Variants in INA observed in about 807,000 individuals in gnomAD.
INA encodes the protein internexin neuronal intermediate filament protein alpha, also known as alpha-internexin.
INA carries 35 observed loss-of-function variants against 40.1 expected under a neutral mutation model. The observed-to-expected ratio is 0.87, with a 90% CI of 0.67 to 1.16. INA has a LOEUF of 1.16. Ranked by LOEUF, INA falls within the 50% of genes most tolerant of loss-of-function variation. The pLI, the probability that INA is intolerant of heterozygous loss-of-function variation, is 0.00. For synonymous variants in INA, 290 were observed against 316.9 expected, an observed-to-expected ratio of 0.92 and a Z score of 0.90; for missense variants, 594 against 686.7, an observed-to-expected ratio of 0.87 and a Z score of 1.51.
In INA at chr10:103,287,058, T is replaced by C; in HGVS notation, c.1089T>C (p.Asn363=). 1 of 1,613,964 alleles carries C rather than the reference T, an allele frequency of 6.2e-7. No individual in the cohort carries two copies. Among genetic ancestry groups the C allele is most frequent in the Non-Finnish European group, 8.5e-7 (1 of 1,179,898 alleles). The part of the protein sequence containing the change: ...GYQDSIGQLE[N]DLRNTKSEMA... ...AGGATAGCATTGGGCAGCTGGAGAA[T>C]GATCTGAGGAACACCAAGAGTGAGA... Residue 363 remains asparagine (N), a synonymous_variant, in exon 2 of 3, where the codon AAT becomes AAC. Transcript: ENST00000369849.
chr10:103,289,153 TA>T lies in INA; in HGVS notation c.*486del, dbSNP rs1480970836. On this transcript the variant is annotated 3_prime_UTR_variant, in exon 3 of 3. Coordinates refer to ENST00000369849, the MANE Select transcript of INA (RefSeq NM_032727.4). Reference sequence around the variant, plus strand: ...ATTTCACAAATAATAGGTGTTTGTTTAATGGACACTTTTCACCTCCTTCAAT... The same window carrying T: ...ATTTCACAAATAATAGGTGTTTGTTTATGGACACTTTTCACCTCCTTCAAT... 5.9e-5 allele frequency: 9 copies of T among 153,364 alleles called. No homozygotes were observed. The highest frequency in any genetic ancestry group is 2.2e-4 in the African/African-American group (9 of 41,602). 9.5% of individuals were successfully genotyped at this position (153,364 alleles called of 1,614,324 possible).
rs1409010342 is a variant in INA at position 103,277,780 on chromosome 10, A to G, written c.569A>G (p.Glu190Gly). 1 of 1,497,560 alleles carries G rather than the reference A, an allele frequency of 6.7e-7. No individual in the cohort carries two copies. Among genetic ancestry groups the G allele is most frequent in the Non-Finnish European group, 8.8e-7 (1 of 1,132,204 alleles). The allele number at this position is 1,497,560 out of a possible 1,614,324, so 92.8% of individuals were successfully genotyped here. ...TGCGAGGAGGAGAGCCGCGGACGCG[A>G]AGGCGCCGAGCGCGCCCTGAAGGCG... ...ARCEEESRGR[E>G]GAERALKAQQ... Residue 190 changes from glutamate (E) to glycine (G), a missense_variant, in exon 1 of 3, where the codon GAA becomes GGA. Physicochemically the swap from Glu to Gly is moderately conservative, Grantham distance 98 (BLOSUM62 -2). This residue lies in a region of INA where 379 missense variants were observed against 496.1 expected (regional missense o/e 0.76). Transcript: ENST00000369849. The surrounding 1 kb of genome is among the most constrained non-coding windows in gnomAD (Gnocchi z 5.6).
chr10:103,277,748 G>C lies in INA; in HGVS notation c.537G>C (p.Arg179=). The change falls in exon 1 of 3, where the codon CGG becomes CGC. Residue 179 remains arginine, a synonymous_variant. Coordinates refer to ENST00000369849, the MANE Select transcript of INA (RefSeq NM_032727.4). The surrounding 1 kb of genome is among the most constrained non-coding windows in gnomAD (Gnocchi z 5.6). ...TGGCGGAGGAGGTGCAGCGGCTGCG[G>C]GCGCGCTGCGAGGAGGAGAGCCGCG... ...DGLAEEVQRL[R]ARCEEESRGR... 7.0e-7 allele frequency: 1 copy of C among 1,426,726 alleles called. No homozygotes were observed. The highest frequency in any genetic ancestry group is 9.1e-7 in the Non-Finnish European group (1 of 1,103,380). The allele number at this position is 1,426,726 out of a possible 1,614,324, so 88.4% of individuals were successfully genotyped here.
chr10:103,284,964 A>G (rs1457969568), intron 1 of INA, among the ~76,000 whole-genome samples: 2 of 151,016 alleles, frequency 1.3e-5, no homozygotes, highest in Non-Finnish European at 1.5e-5. Context: ...AGGAGAGGAC[A>G]TTATATTTTA....
In INA at chr10:103,277,991, C is replaced by T; in HGVS notation, c.780C>T (p.Asp260=). ...TGGACGTGACTGTGGCTAAACCAGA[C>T]CTGACCTCGGCTCTGAGGGAGATCC... ...AEVDVTVAKP[D]LTSALREIRA... is the part of the protein sequence containing the mutation. Residue 260 remains aspartate (D), a synonymous_variant, in exon 1 of 3, where the codon GAC becomes GAT. Transcript: ENST00000369849. This position sits in a 1 kb window ranked among gnomAD's most constrained non-coding sequence, Gnocchi z 5.6. 6.3e-7 allele frequency: 1 copy of T among 1,593,362 alleles called. No homozygotes were observed. Among genetic ancestry groups the T allele is most frequent in the Non-Finnish European group, 8.5e-7 (1 of 1,170,922 alleles).
intron 1 of INA, chr10:103,280,802 T>C: frequency 4.1e-6 from 4 of 985,450 alleles, no homozygotes; most frequent in Non-Finnish European, 4.8e-6. Context: ...AACTCCCCTC[T>C]GCATAAAAAG....
chr10:103,281,706 C>T (rs2093072800), intron 1 of INA, among the ~76,000 whole-genome samples: 1 of 152,254 alleles, frequency 6.6e-6, no homozygotes, highest in Non-Finnish European at 1.5e-5. Context: ...GCACTCACTA[C>T]TGCCTCCCTG....
At chr10:103,281,923 C>G (rs916457688) in intron 1 of INA, among the ~76,000 whole-genome samples, 6 of 152,216 alleles carry the variant, frequency 3.9e-5, no homozygotes, top group Admixed American at 3.9e-4. Flanking sequence ...TGCCGCTCTC[C>G]GGTTCCCTCA....
intron 1 of INA, chr10:103,279,801 T>C: frequency 2.3e-6 from 1 of 442,854 alleles, no homozygotes; most frequent in Non-Finnish European, 3.8e-6. Flanking sequence ...TAGGTTAGTT[T>C]GGTATTGCAT....
At chr10:103,282,214 C>A (rs1006394619) in intron 1 of INA, among the ~76,000 whole-genome samples, 1 of 152,162 alleles carries the variant, frequency 6.6e-6, no homozygotes, top group African/African-American at 2.4e-5. Flanking sequence ...TCAAGGAAAT[C>A]TCATCTGTCT....
At chr10:103,281,639 T>C (rs1462793767) in intron 1 of INA, among the ~76,000 whole-genome samples, 1 of 152,176 alleles carries the variant, frequency 6.6e-6, no homozygotes, top group Non-Finnish European at 1.5e-5. Context: ...CCGTCCCCAC[T>C]CAAGTTGATT....
At chr10:103,283,496 C>T (rs2093077180) in intron 1 of INA, among the ~76,000 whole-genome samples, 1 of 152,186 alleles carries the variant, frequency 6.6e-6, no homozygotes, top group Non-Finnish European at 1.5e-5. Flanking sequence ...TTCCTACTGA[C>T]TGTCATTCCT....
In INA at chr10:103,277,647, G is replaced by C; in HGVS notation, c.436G>C (p.Glu146Gln). 1 of 1,407,938 alleles carries C rather than the reference G, an allele frequency of 7.1e-7. No homozygotes were observed. Among genetic ancestry groups the C allele is most frequent in the South Asian group, 1.5e-5 (1 of 65,874 alleles). The allele number at this position is 1,407,938 out of a possible 1,614,324, so 87.2% of individuals were successfully genotyped here. Residue 146 changes from glutamate to glutamine, a missense_variant, in exon 1 of 3, where the codon GAG becomes CAG. This residue lies in a region of INA where 379 missense variants were observed against 496.1 expected (regional missense o/e 0.76). Transcript: ENST00000369849. The surrounding 1 kb of genome is among the most constrained non-coding windows in gnomAD (Gnocchi z 5.6). The stretch of plus-strand genomic sequence containing the variant: ...GCGCGTCGGCGAGCTCTTCCAGCGC[G>C]AGCTGCGCGACCTGCGCGCGCAGCT... ...PSRVGELFQRELRDLRAQLEE... is the reference protein window; with the variant it reads ...PSRVGELFQRQLRDLRAQLEE...
At chr10:103,285,291 A>G (rs1202184224) in intron 1 of INA, among the ~76,000 whole-genome samples, 2 of 148,652 alleles carry the variant, frequency 1.3e-5, no homozygotes, top group Non-Finnish European at 3.0e-5. Context: ...GCAGGAGAGG[A>G]CATTTGAACT....
At chr10:103,286,909 A>T in intron 1 of INA, 126 bp from the exon 2 acceptor site, 2 of 959,216 alleles carry the variant, frequency 2.1e-6, no homozygotes, top group South Asian at 3.4e-5. Context: ...AGACCTGGAT[A>T]TAAGCAAGTT....
rs2093088134 is a variant in INA, at chr10:103,287,138, A to G, written c.1169A>G (p.Asp390Gly). The part of the protein sequence containing the change: ...QDLLNVKMAL[D>G]IEIAAYRKLL... ...TTGCTCAATGTCAAAATGGCTCTTG[A>G]CATTGAGATAGCAGCTTACAGGTAC... The change falls in exon 2 of 3, where the codon GAC becomes GGC. Residue 390 changes from aspartate to glycine, a missense_variant. By Grantham distance (94) the Asp-to-Gly change is moderately conservative. Around this residue, in one of 2 missense-constraint regions of INA, gnomAD observed 379 missense variants for 496.1 expected, o/e 0.76. Transcript: ENST00000369849. 6.2e-7 allele frequency: 1 copy of G among 1,613,610 alleles called. No homozygotes were observed.
At chr10:103,281,410 C>T (rs1380836848) in intron 1 of INA, among the ~76,000 whole-genome samples, 2 of 152,132 alleles carry the variant, frequency 1.3e-5, no homozygotes, top group Non-Finnish European at 2.9e-5. Flanking sequence ...ACAGGTAGGG[C>T]CCGGGAATAT....
chr10:103,286,519 GA>G (rs1479460311), intron 1 of INA, among the ~76,000 whole-genome samples: 1 of 151,916 alleles, frequency 6.6e-6, no homozygotes, highest in Non-Finnish European at 1.5e-5. Context: ...AGGCTTCTAG[GA>G]AATCATCAAA....
chr10:103,283,278 ACT>A (rs1295655599), intron 1 of INA, among the ~76,000 whole-genome samples: 1 of 151,524 alleles, frequency 6.6e-6, no homozygotes, highest in Non-Finnish European at 1.5e-5. Context: ...CTCACTCTAG[ACT>A]CTTTTCCCTC....
Sources: gnomAD v4.1 joint callset for allele counts (sites outside exome capture counted in the v4.1 genomes callset) on GRCh38, gnomAD v4.1.1 for gene constraint, gnomAD v4.1.1 regional missense constraint, Gnocchi (gnomAD v3.1) non-coding constraint, MANE v1.5 for transcripts, NCBI Gene and HGNC (gene_info 2026-07-23, HGNC 2026-07-21) for gene names.